The following CD70 variants were observed in gnomAD, a reference collection of about 807,000 sequenced individuals.
CD70 encodes CD70 molecule.
Under a neutral mutation model 9.0 loss-of-function variants are expected in CD70, and 6 were observed. The ratio of observed to expected loss-of-function variants is 0.67; its 90% CI spans 0.37 to 1.32. The LOEUF is 1.32. CD70 is among the 40% of genes most tolerant of loss of function. The pLI, the probability that CD70 is intolerant of heterozygous loss-of-function variation, is 0.02. For synonymous variants in CD70, 108 were observed against 112.3 expected, an observed-to-expected ratio of 0.96 and a Z score of 0.24; for missense variants, 235 against 258.7, an observed-to-expected ratio of 0.91 and a Z score of 0.63.
At chr19:6,583,340 G>T, downstream of CD70, 1 of 700,884 alleles carries the variant, frequency 1.4e-6, no homozygotes, top group Non-Finnish European at 2.6e-6. Context: ...TGTGAAATGG[G>T]AACAATGATG....
At position 6,586,002 on chromosome 19, in the gene CD70, C is replaced by G. The variant is rs754920936; in HGVS notation, c.*18G>C. 5 of 1,560,910 alleles carry G rather than the reference C, an allele frequency of 3.2e-6. No individual in the cohort carries two copies. The South Asian group carries it at 5.9e-5, about 18-fold the overall frequency. On this transcript the variant is annotated 3_prime_UTR_variant, in exon 3 of 3. Transcript: ENST00000245903. ...TAAAATAAAATAAAATTTAAAAAAC[C>G]CTAATCAGCAGCAGTGGTCAGGGGC...
At chr19:6,585,378 AC>A (rs552040416), downstream of CD70, among the ~76,000 whole-genome samples, 311 of 140,698 alleles carry the variant, frequency 2.2e-3, 2 homozygotes, top group African/African-American at 7.6e-3. Context: ...AAGGAATCTC[AC>A]TCTTGCTCAG....
rs951965861 is a variant in CD70, at chr19:6,590,901, G to A, written c.102C>T (p.Leu34=). The change falls in exon 1 of 3, where the codon CTC becomes CTT. Residue 34 remains leucine, a synonymous_variant. Coordinates refer to ENST00000245903, the MANE Select transcript of CD70 (RefSeq NM_001252.5). The surrounding 1 kb of genome is among the most constrained non-coding windows in gnomAD (Gnocchi z 5.3). ...GTGCGAAGCGCTGGATGCACACCACGAGGCAGATCACCAAGCCCGCGACCA... is the reference window on the plus strand; with the variant it reads ...GTGCGAAGCGCTGGATGCACACCACAAGGCAGATCACCAAGCCCGCGACCA... The part of the protein sequence containing the change: ...VPLVAGLVIC[L]VVCIQRFAQA... The A allele has an allele frequency of 1.2e-6, 2 of 1,614,104 alleles. No individual in the cohort carries two copies. Among genetic ancestry groups the A allele is most frequent in the Non-Finnish European group, 1.7e-6 (2 of 1,180,014 alleles).
At chr19:6,584,661 T>C (rs1915981272), downstream of CD70, among the ~76,000 whole-genome samples, 1 of 144,212 alleles carries the variant, frequency 6.9e-6, no homozygotes. Flanking sequence ...AGATTGGAGT[T>C]TGAGACCAGC....
intron 2 of CD70, among the ~76,000 whole-genome samples, chr19:6,589,501 T>C (rs1198395116): frequency 1.3e-5 from 2 of 152,048 alleles, no homozygotes; most frequent in African/African-American, 2.4e-5. Flanking sequence ...GCGATTCTCC[T>C]GCCTCGGCCT....
chr19:6,586,462 A>T, intron 2 of CD70, 57 bp from the exon 3 acceptor site: 1 of 1,505,730 alleles, frequency 6.6e-7, no homozygotes, highest in Admixed American at 2.0e-5. Context: ...ACTGAGGCAC[A>T]GGGGGTCATA....
downstream of CD70, chr19:6,583,160 T>G (rs541516613): frequency 1.3e-5 from 6 of 461,506 alleles, no homozygotes; most frequent in East Asian, 2.0e-4. Flanking sequence ...TGCGGGATTA[T>G]CTGGCTTGGA....
At chr19:6,583,761 G>A (rs1205959771), downstream of CD70, among the ~76,000 whole-genome samples, 1 of 143,528 alleles carries the variant, frequency 7.0e-6, no homozygotes, top group Non-Finnish European at 1.5e-5. Context: ...GTTTCACCAT[G>A]TTAGCCAGAT....
rs55803401 is a variant in CD70, at chr19:6,586,902, C to CAAAA, written c.197-501_197-498dup. On this transcript the variant is annotated intron_variant, in intron 2 of 2. Transcript: ENST00000245903. ...AGAGAGACACCAGGAGAGAGAGAGA[C>CAAAA]AAAAAAAAAAAAAAAAAAAACAGAA... 8.9e-4 allele frequency among the ~76,000 whole-genome samples: 76 copies of CAAAA among 85,308 alleles called. 2 individuals are homozygous for CAAAA. Among genetic ancestry groups the CAAAA allele is most frequent in the Admixed American group, 2.4e-3 (15 of 6,244 alleles). 56.0% of individuals were successfully genotyped at this position (85,308 alleles called of 152,430 possible). A position where few individuals can be genotyped will look rare whatever the true frequency, so the allele number is the denominator to read the frequency against.
chr19:6,582,277 C>T (rs1915932599), downstream of CD70, among the ~76,000 whole-genome samples: 1 of 151,308 alleles, frequency 6.6e-6, no homozygotes, highest in South Asian at 2.1e-4. Flanking sequence ...CTCAGGCAAT[C>T]TGCTCGCCTC....
chr19:6,583,376 A>T, downstream of CD70: 1 of 702,250 alleles, frequency 1.4e-6, no homozygotes, highest in South Asian at 1.5e-5. Context: ...TAGGGCTTGC[A>T]TGAACACGAG....
downstream of CD70, among the ~76,000 whole-genome samples, chr19:6,582,875 G>A (rs981019720): frequency 6.6e-6 from 1 of 152,138 alleles, no homozygotes; most frequent in African/African-American, 2.4e-5. Context: ...TCCAGGTCAC[G>A]CTGATGTAAG....
downstream of CD70, among the ~76,000 whole-genome samples, chr19:6,585,346 ACT>A (rs1491182055): frequency 9.8e-6 from 1 of 101,870 alleles, no homozygotes; most frequent in Non-Finnish European, 2.2e-5. Flanking sequence ...AGAAAACAGA[ACT>A]TTTTTTTTTT....
In CD70 at chr19:6,586,269, C is replaced by G. The variant is rs566891129; in HGVS notation, c.333G>C (p.Thr111=). 1 of 1,613,798 alleles carries G rather than the reference C, an allele frequency of 6.2e-7. No homozygotes were observed. The highest frequency in any genetic ancestry group is 1.3e-5 in the African/African-American group (1 of 74,858). Residue 111 remains threonine, a synonymous_variant, in exon 3 of 3, where the codon ACG becomes ACC. Coordinates refer to ENST00000245903, the MANE Select transcript of CD70 (RefSeq NM_001252.5). Reference sequence around the variant, plus strand: ...CCGTCGTGGAGGAGCAGATGGCCAGCGTCACCTGGATGTGTACCATGTAGA... The same window carrying G: ...CCGTCGTGGAGGAGCAGATGGCCAGGGTCACCTGGATGTGTACCATGTAGA... The part of the protein sequence containing the change: ...DGIYMVHIQV[T]LAICSSTTAS...
chr19:6,586,428 A>G, intron 2 of CD70, 23 bp from the exon 3 acceptor site: 1 of 1,579,894 alleles, frequency 6.3e-7, no homozygotes, highest in South Asian at 1.1e-5. Context: ...GGTTAGAGGG[A>G]TGAGAGGATG....
chr19:6,586,937 G>A (rs975360485), intron 2 of CD70, among the ~76,000 whole-genome samples: 1 of 147,428 alleles, frequency 6.8e-6, no homozygotes, highest in Non-Finnish European at 1.5e-5. Context: ...AACAGACAAG[G>A]GTAAAGATAG....
intron 2 of CD70, among the ~76,000 whole-genome samples, chr19:6,587,855 C>T (rs773178647): frequency 3.3e-5 from 5 of 151,924 alleles, no homozygotes; most frequent in Non-Finnish European, 5.9e-5. Context: ...AGGTGGCATG[C>T]GCCACCATGA....
At chr19:6,582,124 G>A (rs531738521), downstream of CD70, among the ~76,000 whole-genome samples, 31 of 151,924 alleles carry the variant, frequency 2.0e-4, no homozygotes, top group African/African-American at 7.0e-4. Flanking sequence ...CTGCCTCCCG[G>A]GTTAAAGCGA....
intron 2 of CD70, among the ~76,000 whole-genome samples, chr19:6,588,535 A>G (rs2145322679): frequency 6.6e-6 from 1 of 152,306 alleles, no homozygotes; most frequent in Middle Eastern, 3.4e-3. Context: ...ACAGAAGAGG[A>G]AGAAGCGTTC....
Sources: allele counts gnomAD v4.1 joint callset (sites outside exome capture counted in the v4.1 genomes callset), GRCh38; gene constraint gnomAD v4.1.1; non-coding constraint Gnocchi (gnomAD v3.1); transcripts MANE v1.5; gene names NCBI Gene and HGNC (gene_info 2026-07-23, HGNC 2026-07-21).